The following ZFPM2 variants were observed in gnomAD, a reference collection of about 807,000 sequenced individuals.
ZFPM2 encodes zinc finger protein ZFPM2.
In ZFPM2, 20 loss-of-function variants were observed where a neutral mutation model predicts 98.6. That is an observed-to-expected ratio of 0.20 (90% CI 0.14 to 0.29). The LOEUF (loss-of-function observed/expected upper bound fraction) is 0.29. Ranked by LOEUF, ZFPM2 falls within the 10% of genes least tolerant of loss-of-function variation. The pLI is 1.00. For synonymous variants in ZFPM2, 518 were observed against 502.7 expected (o/e 1.03, Z -0.41); for missense variants, 1,310 against 1,388.6 (o/e 0.94, Z 0.90).
chr8:105,599,407 A>AAAAAAAAAG (rs71305168), intron 4 of ZFPM2, among the ~76,000 whole-genome samples: 1 of 151,172 alleles, frequency 6.6e-6, no homozygotes, highest in Non-Finnish European at 1.5e-5. Flanking sequence ...AAAAAAAAAA[A>AAAAAAAAAG]TGAAGGCTGT....
chr8:105,566,348 C>G (rs1815243225), intron 4 of ZFPM2, among the ~76,000 whole-genome samples: 1 of 152,006 alleles, frequency 6.6e-6, no homozygotes, highest in African/African-American at 2.4e-5. Flanking sequence ...ATATTAAATA[C>G]TATCATGGTA....
intron 5 of ZFPM2, among the ~76,000 whole-genome samples, chr8:105,723,738 G>A (rs757344855): frequency 6.6e-5 from 10 of 151,770 alleles, no homozygotes; most frequent in Middle Eastern, 3.2e-3. Flanking sequence ...TCATAAACGC[G>A]ACTGCATTTG....
chr8:105,729,326 G>A (rs1362559305), intron 5 of ZFPM2, among the ~76,000 whole-genome samples: 1 of 151,206 alleles, frequency 6.6e-6, no homozygotes, highest in Admixed American at 6.6e-5. Flanking sequence ...CTTAATTAAA[G>A]CACTCAGGTT....
At chr8:105,656,092 G>A (rs1208162987) in intron 5 of ZFPM2, among the ~76,000 whole-genome samples, 3 of 151,968 alleles carry the variant, frequency 2.0e-5, no homozygotes, top group Non-Finnish European at 2.9e-5. Flanking sequence ...AACATTTTTG[G>A]TTAAGGGACC....
chr8:105,795,840 T>A (rs1563569644), intron 6 of ZFPM2: 2 of 474,238 alleles, frequency 4.2e-6, no homozygotes, highest in Non-Finnish European at 8.5e-6. Flanking sequence ...TCTAGCTCTA[T>A]GAAAACACAT....
intron 3 of ZFPM2, among the ~76,000 whole-genome samples, chr8:105,475,672 G>A (rs1161940837): frequency 6.6e-6 from 1 of 152,166 alleles, no homozygotes; most frequent in African/African-American, 2.4e-5. Context: ...CATCATCTCT[G>A]GAAGTCTTTA....
intron 4 of ZFPM2, among the ~76,000 whole-genome samples, chr8:105,599,266 T>C (rs546032865): frequency 3.9e-5 from 6 of 152,028 alleles, no homozygotes; most frequent in Admixed American, 3.9e-4. Context: ...CATGTCATAC[T>C]GTGGCCCTGT....
intron 1 of ZFPM2, chr8:105,358,493 G>A (rs758522523): frequency 3.3e-5 from 5 of 152,288 alleles, no homozygotes; most frequent in African/African-American, 4.8e-5. Context: ...TAATCAAAGT[G>A]TGGTCAGTGC....
At chr8:105,694,948 A>G (rs1411656760) in intron 5 of ZFPM2, among the ~76,000 whole-genome samples, 1 of 152,148 alleles carries the variant, frequency 6.6e-6, no homozygotes, top group East Asian at 1.9e-4. Context: ...GACAATCCAT[A>G]TGACTCAAAT....
chr8:105,456,066 A>G (rs567318913), intron 3 of ZFPM2, among the ~76,000 whole-genome samples: 1 of 151,068 alleles, frequency 6.6e-6, no homozygotes, highest in Non-Finnish European at 1.5e-5. Context: ...CCCTATCTTT[A>G]GGGGAAGGCT....
At chr8:105,525,633 A>ACC (rs1563699624) in intron 3 of ZFPM2, among the ~76,000 whole-genome samples, 7 of 152,170 alleles carry the variant, frequency 4.6e-5, no homozygotes, top group Non-Finnish European at 8.8e-5. Flanking sequence ...AGGTGATATG[A>ACC]TTTCCATGTC....
chr8:105,332,692 G>A (rs1453054864), intron 1 of ZFPM2, among the ~76,000 whole-genome samples: 3 of 151,580 alleles, frequency 2.0e-5, no homozygotes, highest in African/African-American at 7.3e-5. Context: ...AATTGCTGTG[G>A]GCATTGAGGT....
intron 1 of ZFPM2, among the ~76,000 whole-genome samples, chr8:105,354,017 T>C (rs542988285): frequency 1.3e-5 from 2 of 152,206 alleles, no homozygotes; most frequent in Admixed American, 1.3e-4. Flanking sequence ...TGTCCAGATG[T>C]GGTACTCTAA....
chr8:105,759,149 G>A (rs1812678208), intron 5 of ZFPM2, among the ~76,000 whole-genome samples: 2 of 152,202 alleles, frequency 1.3e-5, no homozygotes, highest in South Asian at 4.1e-4. Flanking sequence ...AATCGTGGCA[G>A]TTATCTGTTG....
chr8:105,553,963 A>G (rs536187315), intron 3 of ZFPM2, among the ~76,000 whole-genome samples: 5 of 152,196 alleles, frequency 3.3e-5, no homozygotes, highest in South Asian at 2.1e-4. Context: ...TTAAAGAGTC[A>G]GAAGGGATAA....
At chr8:105,321,614 T>C (rs572962434) in intron 1 of ZFPM2, among the ~76,000 whole-genome samples, 1 of 152,282 alleles carries the variant, frequency 6.6e-6, no homozygotes, top group South Asian at 2.1e-4. Flanking sequence ...TTTTTTCTTT[T>C]ACTGCATACA....
At chr8:105,517,213 T>C (rs1364535955) in intron 3 of ZFPM2, among the ~76,000 whole-genome samples, 1 of 152,190 alleles carries the variant, frequency 6.6e-6, no homozygotes, top group East Asian at 1.9e-4. Flanking sequence ...AGGATAACAG[T>C]GGTCGAATCT....
intron 3 of ZFPM2, among the ~76,000 whole-genome samples, chr8:105,517,741 A>ACACC (rs1479862745): frequency 7.1e-6 from 1 of 141,388 alleles, no homozygotes; most frequent in South Asian, 2.3e-4. Context: ...ACACACACAC[A>ACACC]CCCCTAGTTG....
intron 4 of ZFPM2, among the ~76,000 whole-genome samples, chr8:105,621,759 G>A (rs1816552171): frequency 6.6e-6 from 1 of 152,028 alleles, no homozygotes; most frequent in East Asian, 1.9e-4. Context: ...CTATCCTTGA[G>A]TATTCTACAT....
Sources: allele counts gnomAD v4.1 joint callset (sites outside exome capture counted in the v4.1 genomes callset), GRCh38; gene constraint gnomAD v4.1.1; transcripts MANE v1.5; gene names NCBI Gene and HGNC (gene_info 2026-07-23, HGNC 2026-07-21).